DAAM2: variants seen among roughly 807,000 people sequenced by gnomAD.
The protein encoded by DAAM2 is disheveled-associated activator of morphogenesis 2.
In DAAM2, 39 loss-of-function variants were observed where a neutral mutation model predicts 120.7. The ratio of observed to expected loss-of-function variants is 0.32; its 90% confidence interval spans 0.25 to 0.42. The LOEUF is 0.42. DAAM2 is among the 10% of genes least tolerant of loss of function. The pLI is 1.00. For synonymous variants in DAAM2, 488 were observed against 524.9 expected, an observed-to-expected ratio of 0.93 and a Z score of 0.96; for missense variants, 1,283 against 1,401.7, an observed-to-expected ratio of 0.92 and a Z score of 1.35.
intron 1 of DAAM2, among the ~76,000 whole-genome samples, chr6:39,798,395 T>C (rs1215383220): frequency 1.3e-5 from 2 of 152,174 alleles, no homozygotes; most frequent in African/African-American, 2.4e-5. Context: ...CTGTAGTTAC[T>C]AGCAATCAGC....
At chr6:39,817,728 C>G in intron 1 of DAAM2, among the ~76,000 whole-genome samples, 1 of 152,188 alleles carries the variant, frequency 6.6e-6, no homozygotes, top group East Asian at 1.9e-4. Context: ...CAGCTCAAGA[C>G]TGAAGGCAGT....
chr6:39,839,958 A>T (rs1409220013), intron 1 of DAAM2, among the ~76,000 whole-genome samples: 1 of 152,198 alleles, frequency 6.6e-6, no homozygotes, highest in Non-Finnish European at 1.5e-5. Context: ...CAGGCGCAGT[A>T]GCTCACACTC....
intron 1 of DAAM2, among the ~76,000 whole-genome samples, chr6:39,828,587 G>A (rs150330864): frequency 0.018 from 1,461 of 82,146 alleles, 26 homozygotes; most frequent in African/African-American, 0.072. Flanking sequence ...TTTTTGAGAC[G>A]GATTCTTGCT....
At chr6:39,873,959 C>G (rs959687526) in intron 10 of DAAM2, among the ~76,000 whole-genome samples, 1 of 152,050 alleles carries the variant, frequency 6.6e-6, no homozygotes, top group Non-Finnish European at 1.5e-5. Flanking sequence ...TTAACTGTAC[C>G]CCTTGGTACT....
chr6:39,898,035 T>G (rs1766226146), intron 21 of DAAM2, among the ~76,000 whole-genome samples: 1 of 152,168 alleles, frequency 6.6e-6, no homozygotes, highest in Admixed American at 6.5e-5. Context: ...TGCTCTTAAA[T>G]CCTTATTTCA....
chr6:39,893,287 C>T (rs1437006753), intron 19 of DAAM2, among the ~76,000 whole-genome samples: 5 of 152,254 alleles, frequency 3.3e-5, no homozygotes, highest in East Asian at 1.9e-4. Flanking sequence ...GAGGCCAAGG[C>T]GGGCGGATCA....
In DAAM2 at chr6:39,896,877, C is replaced by G; in HGVS notation, c.2407C>G (p.Leu803Val). Residue 803 changes from leucine to valine, a missense_variant, in exon 20 of 25, where the codon CTA becomes GTA. By Grantham distance (32) the Leu-to-Val change is conservative. Around this residue, in one of 3 missense-constraint regions of DAAM2, gnomAD observed 748 missense variants for 768.6 expected, o/e 0.97. Transcript: ENST00000274867. ...KRLRQMLEVI[L>V]AIGNFMNKGQ... The stretch of plus-strand genomic sequence containing the variant: ...TCTTAGACAGATGCTAGAGGTCATC[C>G]TAGCCATAGGCAACTTCATGAACAA... 6.2e-7 allele frequency: 1 copy of G among 1,613,406 alleles called. No homozygotes were observed. Among genetic ancestry groups the G allele is most frequent in the African/African-American group, 1.3e-5 (1 of 75,030 alleles).
chr6:39,828,213 T>C (rs1258925514), intron 1 of DAAM2, among the ~76,000 whole-genome samples: 2 of 152,194 alleles, frequency 1.3e-5, no homozygotes, highest in African/African-American at 4.8e-5. Flanking sequence ...CACTGGGTAA[T>C]TTATAAACCA....
At chr6:39,850,464 C>T (rs1303903146) in intron 1 of DAAM2, among the ~76,000 whole-genome samples, 1 of 152,178 alleles carries the variant, frequency 6.6e-6, no homozygotes, top group Admixed American at 6.5e-5. Context: ...TGCTTTCCCA[C>T]TAGAAGGAGA....
intron 1 of DAAM2, among the ~76,000 whole-genome samples, chr6:39,850,388 C>G (rs919170249): frequency 6.6e-6 from 1 of 152,168 alleles, no homozygotes; most frequent in Non-Finnish European, 1.5e-5. Flanking sequence ...ACCCGGTCCT[C>G]CTTCTCAGGG....
At chr6:39,839,029 CCTCT>C (rs980760619) in intron 1 of DAAM2, among the ~76,000 whole-genome samples, 9 of 152,064 alleles carry the variant, frequency 5.9e-5, no homozygotes, top group African/African-American at 2.2e-4. Flanking sequence ...AGTGGTCCCC[CCTCT>C]CTCTCCTCCC....
chr6:39,903,748 C>CG lies in DAAM2; in HGVS notation c.*1718dup, dbSNP rs3215717. ...CCTGGGGCTGGGACCGTAGTAGCTGCGGGGGGGAAGAAACACAGGGTCGGT... is the reference window on the plus strand; with the variant it reads ...CCTGGGGCTGGGACCGTAGTAGCTGCGGGGGGGGAAGAAACACAGGGTCGGT... On this transcript the variant is annotated 3_prime_UTR_variant, in exon 25 of 25. Coordinates refer to ENST00000274867, the MANE Select transcript of DAAM2 (RefSeq NM_001201427.2). 2.7e-3 allele frequency: 450 copies of CG among 168,176 alleles called. 8 individuals are homozygous for CG. In the South Asian group the frequency reaches 0.028, roughly 10 times the overall value. The allele number at this position is 168,176 out of a possible 1,614,324, so 10.4% of individuals were successfully genotyped here.
At chr6:39,794,220 A>G (rs925534874) in intron 1 of DAAM2, among the ~76,000 whole-genome samples, 4 of 152,208 alleles carry the variant, frequency 2.6e-5, no homozygotes, top group African/African-American at 9.7e-5. Flanking sequence ...TGAGATGCAC[A>G]TGCCTATGTG....
At chr6:39,848,426 C>A (rs1194758896) in intron 1 of DAAM2, 1 of 152,172 alleles carries the variant, frequency 6.6e-6, no homozygotes, top group Non-Finnish European at 1.5e-5. Context: ...AACCTTTATT[C>A]TCTTTATCAT....
intron 1 of DAAM2, among the ~76,000 whole-genome samples, chr6:39,797,936 T>C (rs966082287): frequency 3.3e-5 from 5 of 152,246 alleles, no homozygotes. Context: ...GTCATCTTGT[T>C]TTATAGATAA....
At chr6:39,824,537 G>A (rs1477339271) in intron 1 of DAAM2, among the ~76,000 whole-genome samples, 1 of 152,202 alleles carries the variant, frequency 6.6e-6, no homozygotes, top group Non-Finnish European at 1.5e-5. Context: ...CCAGGCCCCT[G>A]CCAGCTCCTG....
chr6:39,901,413 C>A lies in DAAM2; in HGVS notation c.2923C>A (p.Leu975Ile). Residue 975 changes from leucine to isoleucine, a missense_variant, in exon 24 of 25, where the codon CTA becomes ATA. Around this residue, in one of 3 missense-constraint regions of DAAM2, gnomAD observed 748 missense variants for 768.6 expected, o/e 0.97. Coordinates refer to ENST00000274867, the MANE Select transcript of DAAM2 (RefSeq NM_001201427.2). The surrounding 1 kb of genome is among the most constrained non-coding windows in gnomAD (Gnocchi z 4.5). The part of the protein sequence containing the change: ...LQAFSEARQD[L>I]EAMRRRKEEE... ...GGCCTTCTCAGAGGCCCGGCAGGAT[C>A]TAGAGGCCATGAGGAGGAGGAAGGA... is the stretch of plus-strand genomic sequence containing the variant. 6.2e-7 allele frequency: 1 copy of A among 1,613,578 alleles called. No homozygotes were observed. The highest frequency in any genetic ancestry group is 8.5e-7 in the Non-Finnish European group (1 of 1,179,862).
chr6:39,795,248 C>A (rs1360449219), intron 1 of DAAM2, among the ~76,000 whole-genome samples: 1 of 152,220 alleles, frequency 6.6e-6, no homozygotes, highest in African/African-American at 2.4e-5. Context: ...GCAAACACAG[C>A]TGGCAGAAAG....
intron 1 of DAAM2, among the ~76,000 whole-genome samples, chr6:39,842,243 C>G (rs183379357): frequency 6.6e-6 from 1 of 151,998 alleles, no homozygotes; most frequent in Non-Finnish European, 1.5e-5. Flanking sequence ...GAAGAGCTCA[C>G]GGAGGACTGA....
Sources: gnomAD v4.1 joint callset for allele counts (sites outside exome capture counted in the v4.1 genomes callset) on GRCh38, gnomAD v4.1.1 for gene constraint, gnomAD v4.1.1 regional missense constraint, Gnocchi (gnomAD v3.1) non-coding constraint, MANE v1.5 for transcripts, NCBI Gene and HGNC (gene_info 2026-07-23, HGNC 2026-07-21) for gene names.